The following MAK variants were observed in gnomAD, a reference collection of about 807,000 sequenced individuals.
MAK encodes male germ cell associated kinase.
In MAK, 65 loss-of-function variants were observed where a neutral mutation model predicts 82.6. That is an observed-to-expected ratio of 0.79 (90% CI 0.64 to 0.97). MAK has a LOEUF of 0.97. MAK is among the 50% of genes least tolerant of loss of function. The probability of loss-of-function intolerance (pLI) is 0.00; values close to 1 mark genes in which losing one functional copy is unlikely to be tolerated. For synonymous variants in MAK, 250 were observed against 274.2 expected, an observed-to-expected ratio of 0.91 and a Z score of 0.87; for missense variants, 703 against 780.2, an observed-to-expected ratio of 0.90 and a Z score of 1.18.
At chr6:10,811,754 GT>G (rs901316264) in intron 5 of MAK, among the ~76,000 whole-genome samples, 33 of 151,146 alleles carry the variant, frequency 2.2e-4, no homozygotes, top group Admixed American at 5.3e-4. Flanking sequence ...CAAATAAAAA[GT>G]TTTTTTTTAA....
Position 10,793,625 on chromosome 6 carries a change from CACAGT to C in MAK, c.1144-1783_1144-1779del, listed in dbSNP as rs1775266261. Among the ~76,000 whole-genome samples the C allele has an allele frequency of 6.6e-6, 1 of 152,146 alleles. No individual in the cohort carries two copies. The highest frequency in any genetic ancestry group is 2.4e-5 in the African/African-American group (1 of 41,424). ...AGGTATACTTAGAAATTTTAGTTAA[CACAGT>C]ACTTAATCCCAGCTCTGGAACTCAC... On this transcript the variant is annotated intron_variant, in intron 9 of 14. Transcript: ENST00000354489. This position sits in a 1 kb window ranked among gnomAD's most constrained non-coding sequence, Gnocchi z 4.6.
intron 13 of MAK, among the ~76,000 whole-genome samples, chr6:10,772,396 T>C (rs1773094952): frequency 1.3e-5 from 2 of 151,740 alleles, no homozygotes; most frequent in African/African-American, 4.8e-5. Context: ...CAGGCTGGAG[T>C]GCAGTGGCGC....
At chr6:10,832,181 T>A (rs1237004331) in intron 1 of MAK, among the ~76,000 whole-genome samples, 2 of 152,234 alleles carry the variant, frequency 1.3e-5, no homozygotes, top group Admixed American at 6.5e-5. Context: ...AGATGGGGTT[T>A]CACCATGTTG....
At chr6:10,826,071 G>C (rs999637740) in intron 2 of MAK, among the ~76,000 whole-genome samples, 1 of 152,032 alleles carries the variant, frequency 6.6e-6, no homozygotes, top group Non-Finnish European at 1.5e-5. Flanking sequence ...CCTTCATCTG[G>C]CTTCACGACT....
At chr6:10,837,827 C>G (rs1446461805) in intron 1 of MAK, among the ~76,000 whole-genome samples, 5 of 152,130 alleles carry the variant, frequency 3.3e-5, no homozygotes, top group Non-Finnish European at 5.9e-5. Context: ...CTTTCTGATC[C>G]GACTCTGCAA....
intron 2 of MAK, among the ~76,000 whole-genome samples, chr6:10,819,157 C>T (rs1777730652): frequency 6.6e-6 from 1 of 152,176 alleles, no homozygotes; most frequent in African/African-American, 2.4e-5. Context: ...AAAAAATTAC[C>T]ATTAATCTTC....
chr6:10,817,234 C>T (rs1289892902), intron 4 of MAK, among the ~76,000 whole-genome samples: 1 of 151,968 alleles, frequency 6.6e-6, no homozygotes, highest in East Asian at 1.9e-4. Flanking sequence ...ACATTTCTCA[C>T]TTTAAAAGCA....
rs541171165 is a variant in MAK at position 10,773,857 on chromosome 6, T to C, written c.1598-749A>G. ...TAGGCGCATGCCACCATGCCTGGAT[T>C]TTTTTTTGTGTGTGTGTATTTTTAG... On this transcript the variant is annotated intron_variant, in intron 12 of 14. Transcript: ENST00000354489. 7.9e-5 allele frequency among the ~76,000 whole-genome samples: 12 copies of C among 151,750 alleles called. No homozygotes were observed. In the South Asian group the frequency reaches 2.5e-3, roughly 32 times the overall value.
intron 11 of MAK, chr6:10,779,637 CA>C: frequency 6.2e-6 from 1 of 160,948 alleles, no homozygotes; most frequent in Non-Finnish European, 1.3e-5. Flanking sequence ...TACTCAATTA[CA>C]AAAATAACTA....
At chr6:10,807,336 C>CT (rs35237927) in intron 6 of MAK, among the ~76,000 whole-genome samples, 4,803 of 73,702 alleles carry the variant, frequency 0.065, 234 homozygotes, top group Middle Eastern at 0.11. Flanking sequence ...ACATATATTC[C>CT]TTTTTTTTTT....
At chr6:10,828,569 GAT>G (rs1240988537) in intron 2 of MAK, among the ~76,000 whole-genome samples, 2 of 152,140 alleles carry the variant, frequency 1.3e-5, no homozygotes, top group African/African-American at 4.8e-5. Flanking sequence ...GCCCAAATCT[GAT>G]ATGACTGGTG....
intron 10 of MAK, among the ~76,000 whole-genome samples, chr6:10,788,353 C>G (rs1167332087): frequency 6.6e-6 from 1 of 151,870 alleles, no homozygotes; most frequent in Non-Finnish European, 1.5e-5. Context: ...AAATATATGA[C>G]TAAAATTTAT....
At chr6:10,789,660 A>G (rs959755373) in intron 10 of MAK, among the ~76,000 whole-genome samples, 1 of 152,050 alleles carries the variant, frequency 6.6e-6, no homozygotes, top group African/African-American at 2.4e-5. Flanking sequence ...GCTCTCAAAA[A>G]TATCTTTTTT....
chr6:10,765,775 C>T (rs530710005), intron 14 of MAK, among the ~76,000 whole-genome samples: 13 of 152,046 alleles, frequency 8.6e-5, no homozygotes, highest in African/African-American at 1.2e-4. Flanking sequence ...TGTGAGCCAT[C>T]GCACCCGGCC....
intron 5 of MAK, among the ~76,000 whole-genome samples, chr6:10,812,052 T>C (rs1028485133): frequency 1.3e-5 from 2 of 151,764 alleles, no homozygotes; most frequent in African/African-American, 4.8e-5. Context: ...AGAAAAAAAT[T>C]AGCTGGGTGT....
intron 2 of MAK, among the ~76,000 whole-genome samples, chr6:10,828,120 CTGA>C (rs564794546): frequency 2.6e-5 from 4 of 152,114 alleles, no homozygotes; most frequent in South Asian, 2.1e-4. Context: ...ATTTACTTAT[CTGA>C]TGATAATGAC....
intron 2 of MAK, among the ~76,000 whole-genome samples, chr6:10,822,839 T>C (rs1010754580): frequency 6.6e-6 from 1 of 152,186 alleles, no homozygotes. Context: ...TAGATATTTA[T>C]TAACTTAATT....
intron 4 of MAK, among the ~76,000 whole-genome samples, chr6:10,814,835 C>T (rs1296251074): frequency 2.6e-5 from 4 of 152,064 alleles, no homozygotes; most frequent in Non-Finnish European, 5.9e-5. Flanking sequence ...GTCAGGAGTT[C>T]GAGAGCAGCC....
intron 2 of MAK, among the ~76,000 whole-genome samples, chr6:10,822,872 T>C (rs536786663): frequency 5.3e-5 from 8 of 152,030 alleles, no homozygotes; most frequent in Non-Finnish European, 1.0e-4. Flanking sequence ...CTTTCTACCA[T>C]CCTCTATCAT....
Sources: allele counts gnomAD v4.1 joint callset (sites outside exome capture counted in the v4.1 genomes callset), GRCh38; gene constraint gnomAD v4.1.1; non-coding constraint Gnocchi (gnomAD v3.1); transcripts MANE v1.5; gene names NCBI Gene and HGNC (gene_info 2026-07-23, HGNC 2026-07-21).